ADGRV1: variants seen among roughly 807,000 people sequenced by gnomAD.
ADGRV1 encodes the protein G-protein coupled receptor 98.
In ADGRV1, 359 loss-of-function variants were observed where a neutral mutation model predicts 596.2. The ratio of observed to expected loss-of-function variants is 0.60; its 90% CI spans 0.55 to 0.66. The LOEUF (loss-of-function observed/expected upper bound fraction) is 0.66, where lower values mean the gene tolerates loss of function less well. Among genes scored for constraint, ADGRV1 ranks in the 30% least tolerant of loss-of-function variants. ADGRV1 has a pLI of 0.00. For missense variants in ADGRV1, 7,274 were observed against 7,575.6 expected (o/e 0.96, Z 1.48); for synonymous variants, 2,681 against 2,679.2 (o/e 1.00, Z -0.02).
intron 17 of ADGRV1, 51 bp from the exon 18 acceptor site, chr5:90,651,553 C>CTTCTTTGTAAAAGA: frequency 7.4e-7 from 1 of 1,360,426 alleles, no homozygotes; most frequent in Non-Finnish European, 1.0e-6. Flanking sequence ...ATAAATTTTA[C>CTTCTTTGTAAAAGA]AGCAAGTTAG....
chr5:90,583,954 A>G (rs1342354244), intron 1 of ADGRV1, among the ~76,000 whole-genome samples: 1 of 152,224 alleles, frequency 6.6e-6, no homozygotes, highest in Non-Finnish European at 1.5e-5. Context: ...CTTTGTTAAT[A>G]GAAAATGTAT....
chr5:90,698,923 A>G (rs1747550594), intron 34 of ADGRV1, among the ~76,000 whole-genome samples: 1 of 152,146 alleles, frequency 6.6e-6, no homozygotes, highest in Non-Finnish European at 1.5e-5. Context: ...TAACATGGCC[A>G]AAAAGGGGAG....
chr5:90,662,513 C>T (rs115600377), intron 21 of ADGRV1, among the ~76,000 whole-genome samples: 1 of 151,856 alleles, frequency 6.6e-6, no homozygotes, highest in African/African-American at 2.4e-5. Context: ...CTTTTTAAAG[C>T]AAACCTCAGG....
At chr5:91,134,798 A>G (rs552070412) in intron 87 of ADGRV1, among the ~76,000 whole-genome samples, 25 of 152,330 alleles carry the variant, frequency 1.6e-4, no homozygotes, top group African/African-American at 4.1e-4. Flanking sequence ...TTATAAAAAT[A>G]TGTTCTCTTA....
chr5:91,063,316 C>T (rs1454031407), intron 85 of ADGRV1, among the ~76,000 whole-genome samples: 1 of 152,120 alleles, frequency 6.6e-6, no homozygotes, highest in East Asian at 1.9e-4. Context: ...GGCAGCGGTG[C>T]TCGTGGCTAC....
chr5:90,569,254 T>C (rs1462100833), intron 1 of ADGRV1, among the ~76,000 whole-genome samples: 2 of 150,618 alleles, frequency 1.3e-5, no homozygotes, highest in Non-Finnish European at 3.0e-5. Flanking sequence ...ACACCGTTAG[T>C]TACAATGGCA....
chr5:90,611,211 G>GGTCT (rs763581197), intron 1 of ADGRV1, among the ~76,000 whole-genome samples: 1 of 151,604 alleles, frequency 6.6e-6, no homozygotes, highest in African/African-American at 2.4e-5. Flanking sequence ...TGTAAGAGCT[G>GGTCT]GTCTAATATA....
At position 90,683,639 on chromosome 5, in the gene ADGRV1, C is replaced by T; in HGVS notation, c.5718C>T (p.Asp1906=). ...LSPVTLHWNI[D]SDPDGDLAFT... is the part of the protein sequence containing the mutation. ...CAGTGACTTTGCATTGGAACATAGA[C>T]TCTGATCCTGATGGTGATCTCGCCT... is the stretch of plus-strand genomic sequence containing the variant. The change falls in exon 28 of 90, where the codon GAC becomes GAT. Residue 1906 remains aspartate (D), a synonymous_variant. Transcript: ENST00000405460. The T allele has an allele frequency of 6.2e-7, 1 of 1,612,600 alleles. No individual in the cohort carries two copies. The highest frequency in any genetic ancestry group is 2.2e-5 in the East Asian group (1 of 44,826).
intron 87 of ADGRV1, among the ~76,000 whole-genome samples, chr5:91,132,153 C>T (rs1161120913): frequency 6.6e-6 from 1 of 152,156 alleles, no homozygotes; most frequent in Non-Finnish European, 1.5e-5. Context: ...ATTGGCATGA[C>T]AGATTCTTGA....
chr5:90,940,752 G>A (rs181517403), intron 83 of ADGRV1, among the ~76,000 whole-genome samples: 1 of 152,230 alleles, frequency 6.6e-6, no homozygotes, highest in Admixed American at 6.5e-5. Flanking sequence ...GCACTAGTTA[G>A]TAGTGACACA....
intron 1 of ADGRV1, among the ~76,000 whole-genome samples, chr5:90,581,032 C>T (rs997367480): frequency 6.6e-6 from 1 of 152,100 alleles, no homozygotes; most frequent in Non-Finnish European, 1.5e-5. Context: ...CCTTTCTTCC[C>T]CTTGATCGAA....
intron 1 of ADGRV1, among the ~76,000 whole-genome samples, chr5:90,564,385 G>A (rs2151942996): frequency 6.6e-6 from 1 of 152,224 alleles, no homozygotes; most frequent in Non-Finnish European, 1.5e-5. Flanking sequence ...GGAAGAGAGG[G>A]AGTGGAAAAA....
chr5:90,876,871 A>T (rs927269878), intron 83 of ADGRV1, among the ~76,000 whole-genome samples: 3 of 152,184 alleles, frequency 2.0e-5, no homozygotes, highest in African/African-American at 7.2e-5. Context: ...TGTCATATGT[A>T]CTATGACGCA....
At chr5:91,154,487 G>C (rs775898222) in intron 89 of ADGRV1, among the ~76,000 whole-genome samples, 6 of 152,188 alleles carry the variant, frequency 3.9e-5, no homozygotes, top group Non-Finnish European at 7.3e-5. Flanking sequence ...AGGTTACATA[G>C]TTAAGCGGCG....
chr5:91,160,929 A>G (rs189026227), intron 89 of ADGRV1, among the ~76,000 whole-genome samples: 212 of 152,272 alleles, frequency 1.4e-3, no homozygotes, highest in African/African-American at 5.0e-3. Flanking sequence ...ACTTGCTTAC[A>G]TATCTTGAGT....
At chr5:90,992,502 G>T (rs1410272674) in intron 85 of ADGRV1, among the ~76,000 whole-genome samples, 1 of 152,198 alleles carries the variant, frequency 6.6e-6, no homozygotes, top group Non-Finnish European at 1.5e-5. Flanking sequence ...GGTGTAAAAA[G>T]AACTTTATCA....
intron 87 of ADGRV1, among the ~76,000 whole-genome samples, chr5:91,131,890 A>G (rs1794248664): frequency 6.6e-6 from 1 of 152,232 alleles, no homozygotes; most frequent in South Asian, 2.1e-4. Flanking sequence ...TAAGAAGGGT[A>G]TTTCCTAAGT....
intron 21 of ADGRV1, among the ~76,000 whole-genome samples, chr5:90,664,388 G>A (rs1424071527): frequency 1.3e-5 from 2 of 151,942 alleles, no homozygotes; most frequent in African/African-American, 4.8e-5. Flanking sequence ...GTGAATGGGA[G>A]TTCACTCATG....
intron 76 of ADGRV1, among the ~76,000 whole-genome samples, chr5:90,827,840 T>C (rs1165661851): frequency 1.3e-5 from 2 of 152,348 alleles, no homozygotes; most frequent in East Asian, 1.9e-4. Context: ...AACTTACTTA[T>C]AAACACTTGG....
Sources: gnomAD v4.1 joint callset for allele counts (sites outside exome capture counted in the v4.1 genomes callset) on GRCh38, gnomAD v4.1.1 for gene constraint, MANE v1.5 for transcripts, NCBI Gene and HGNC (gene_info 2026-07-23, HGNC 2026-07-21) for gene names.